Variants in ZNF292 observed in about 807,000 individuals in gnomAD.
The protein encoded by ZNF292 is 16 zinc-finger domain protein.
ZNF292 carries 26 observed loss-of-function variants against 217.9 expected under a neutral mutation model. That is an observed-to-expected ratio of 0.12 (90% CI 0.09 to 0.17). The LOEUF (loss-of-function observed/expected upper bound fraction) is 0.17. Among genes scored for constraint, ZNF292 ranks in the 10% least tolerant of loss-of-function variants. The pLI is 1.00. For synonymous variants in ZNF292, 1,257 were observed against 1,124.1 expected (o/e 1.12, Z -2.37); for missense variants, 2,904 against 3,175.2 (o/e 0.91, Z 2.05).
chr6:87,162,355 A>G (rs1770778888), intron 1 of ZNF292, among the ~76,000 whole-genome samples: 1 of 152,256 alleles, frequency 6.6e-6, no homozygotes, highest in Non-Finnish European at 1.5e-5. Flanking sequence ...GTTTATATAC[A>G]TGTTACATTA....
intron 4 of ZNF292, among the ~76,000 whole-genome samples, chr6:87,228,404 G>A (rs962366858): frequency 6.6e-6 from 1 of 152,042 alleles, no homozygotes; most frequent in Non-Finnish European, 1.5e-5. Flanking sequence ...CCTTTTTACT[G>A]TGTTGTGTCC....
chr6:87,158,535 G>A (rs1006022732), intron 1 of ZNF292, among the ~76,000 whole-genome samples: 8 of 152,234 alleles, frequency 5.3e-5, no homozygotes, highest in African/African-American at 1.7e-4. Flanking sequence ...TTAGCCAGGC[G>A]CTGTGGCGAG....
rs767629944 is a variant in ZNF292, at chr6:87,233,453, A to G, written c.667A>G (p.Ile223Val). Reference sequence around the variant, plus strand: ...GTGTTCTGACCATCCAGAGATTGGCATAAAAGGTAGTTTTAAGCAAACTTA... The same window carrying G: ...GTGTTCTGACCATCCAGAGATTGGCGTAAAAGGTAGTTTTAAGCAAACTTA... Reference protein sequence around the residue: ...KLCSDHPEIGIKGSFKQTYLV... With the variant: ...KLCSDHPEIGVKGSFKQTYLV... The change falls in exon 5 of 8, where the codon ATA becomes GTA. Residue 223 changes from isoleucine (I) to valine (V), a missense_variant. By Grantham distance (29) the Ile-to-Val change is conservative. Coordinates refer to ENST00000369577, the MANE Select transcript of ZNF292 (RefSeq NM_015021.3). 3.7e-6 allele frequency: 6 copies of G among 1,613,656 alleles called. No individual in the cohort carries two copies. In the South Asian group the frequency reaches 4.4e-5, roughly 12 times the overall value.
chr6:87,212,305 G>A (rs1772523980), intron 1 of ZNF292, among the ~76,000 whole-genome samples: 1 of 152,154 alleles, frequency 6.6e-6, no homozygotes, highest in Non-Finnish European at 1.5e-5. Context: ...GACTACTGTT[G>A]TTTAGGAGGT....
intron 1 of ZNF292, among the ~76,000 whole-genome samples, chr6:87,205,258 G>C (rs898164199): frequency 1.3e-5 from 2 of 152,030 alleles, no homozygotes; most frequent in African/African-American, 4.8e-5. Context: ...ATTATTGGTA[G>C]AGATGAGGTC....
rs1239239935 is a variant in ZNF292, at chr6:87,261,149, C to A, written c.7520C>A (p.Ser2507Tyr). Residue 2507 changes from serine (S) to tyrosine (Y), a missense_variant, in exon 8 of 8, where the codon TCT (serine) becomes TAT (tyrosine). By Grantham distance (144) the Ser-to-Tyr change is moderately radical. Around this residue, in one of 15 missense-constraint regions of ZNF292, gnomAD observed 380 missense variants for 355.3 expected, o/e 1.07. Transcript: ENST00000369577. ...AGTGTAGAGACCCAAGCTAATACTT[C>A]TTCAAATGTAAGTAATGATTTTCAG... The part of the protein sequence containing the change: ...STSVETQANT[S>Y]SNVSNDFQED... 3 of 1,612,956 alleles carry A rather than the reference C, an allele frequency of 1.9e-6. No homozygotes were observed. The highest frequency in any genetic ancestry group is 2.5e-6 in the Non-Finnish European group (3 of 1,179,512).
rs1367717386 is a variant in ZNF292 at position 87,257,097 on chromosome 6, T to G, written c.3468T>G (p.Phe1156Leu). Residue 1156 changes from phenylalanine (F) to leucine (L), a missense_variant, in exon 8 of 8, where the codon TTT (phenylalanine) becomes TTG (leucine). Physicochemically the swap from Phe to Leu is conservative, Grantham distance 22. Coordinates refer to ENST00000369577, the MANE Select transcript of ZNF292 (RefSeq NM_015021.3). ...CAAATAATGGAAAGTTTGTTTATTTTTTGCCATCACCGGTGAACAGCTCAA... is the reference window on the plus strand; with the variant it reads ...CAAATAATGGAAAGTTTGTTTATTTGTTGCCATCACCGGTGAACAGCTCAA... ...NTPNNGKFVY[F>L]LPSPVNSSNP... 21 of 1,613,780 alleles carry G rather than the reference T, an allele frequency of 1.3e-5. No individual in the cohort carries two copies. The highest frequency in any genetic ancestry group is 1.7e-5 in the Non-Finnish European group (20 of 1,179,858).
Position 87,258,139 on chromosome 6 carries a change from G to A in ZNF292, c.4510G>A (p.Glu1504Lys). 6.2e-7 allele frequency: 1 copy of A among 1,612,230 alleles called. No individual in the cohort carries two copies. The highest frequency in any genetic ancestry group is 8.5e-7 in the Non-Finnish European group (1 of 1,179,202). Reference protein sequence around the residue: ...LETAGIPSTFEGAEMLSHVST... With the variant: ...LETAGIPSTFKGAEMLSHVST... ...AACTGCTGGCATTCCCAGTACATTT[G>A]AGGGTGCCGAAATGCTTTCTCATGT... The change falls in exon 8 of 8, where the codon GAG (glutamate) becomes AAG (lysine). Residue 1504 changes from glutamate (E) to lysine (K), a missense_variant. Physicochemically the swap from Glu to Lys is moderately conservative, Grantham distance 56 (BLOSUM62 1). Transcript: ENST00000369577.
At chr6:87,183,466 A>G (rs1009258391) in intron 1 of ZNF292, among the ~76,000 whole-genome samples, 44 of 152,204 alleles carry the variant, frequency 2.9e-4, no homozygotes, top group African/African-American at 1.1e-3. Context: ...TCTAAAAGAC[A>G]CAATCCTGAA....
intron 7 of ZNF292, among the ~76,000 whole-genome samples, chr6:87,247,270 AAC>A (rs36133951): frequency 6.7e-6 from 1 of 149,894 alleles, no homozygotes; most frequent in Non-Finnish European, 1.5e-5. Flanking sequence ...TGCCACCCGC[AAC>A]ACACACACAT....
rs759727692 is a variant in ZNF292 at position 87,255,180 on chromosome 6, G to C, written c.1551G>C (p.Lys517Asn). ...AAGACATTGGTGATGAAAAGCAGAA[G>C]AAGAGAGAGATAAAACAGTTAAGAG... ...LLKDIGDEKQKKREIKQLRER... is the reference protein window; with the variant it reads ...LLKDIGDEKQNKREIKQLRER... The change falls in exon 8 of 8, where the codon AAG (lysine) becomes AAC (asparagine). Residue 517 changes from lysine to asparagine, a missense_variant. Around this residue, in one of 15 missense-constraint regions of ZNF292, gnomAD observed 87 missense variants for 99.6 expected, o/e 0.87. Transcript: ENST00000369577. The C allele has an allele frequency of 1.2e-6, 2 of 1,613,840 alleles. No homozygotes were observed.
chr6:87,218,530 A>T, intron 3 of ZNF292, 66 bp from the exon 4 acceptor site: 1 of 1,361,478 alleles, frequency 7.3e-7, no homozygotes, highest in Non-Finnish European at 9.8e-7. Flanking sequence ...TGTTATATTT[A>T]AAGCCTGATA....
At chr6:87,203,495 C>G (rs1304315635) in intron 1 of ZNF292, among the ~76,000 whole-genome samples, 2 of 151,840 alleles carry the variant, frequency 1.3e-5, no homozygotes, top group Admixed American at 1.3e-4. Context: ...CCTACTAGGC[C>G]CAAAATACAT....
Position 87,209,042 on chromosome 6 carries a change from A to T in ZNF292, c.169-6861A>T, listed in dbSNP as rs541047165. ...AGGTGTGGAGAGTGAGGAGGAAATC[A>T]GGGAGGCTTAACTCCTAAAATAGAC... On this transcript the variant is annotated intron_variant, in intron 1 of 7. Transcript: ENST00000369577. 4.4e-4 allele frequency among the ~76,000 whole-genome samples: 67 copies of T among 151,818 alleles called. 1 individual carries two copies. Among genetic ancestry groups the T allele is most frequent in the Non-Finnish European group, 1.2e-4 (8 of 67,976 alleles).
At chr6:87,213,208 A>G (rs751698001) in intron 1 of ZNF292, among the ~76,000 whole-genome samples, 27 of 152,230 alleles carry the variant, frequency 1.8e-4, no homozygotes, top group Non-Finnish European at 3.2e-4. Context: ...AGGTGTGTTG[A>G]CAGACTTCCG....
intron 4 of ZNF292, among the ~76,000 whole-genome samples, chr6:87,222,052 G>A (rs896811194): frequency 2.6e-5 from 4 of 151,964 alleles, no homozygotes; most frequent in Non-Finnish European, 5.9e-5. Context: ...TTCTTTTGGT[G>A]TACAAGTGTA....
intron 1 of ZNF292, among the ~76,000 whole-genome samples, chr6:87,198,210 TTATTTA>T (rs1316410133): frequency 2.7e-5 from 4 of 147,814 alleles, no homozygotes; most frequent in African/African-American, 1.1e-4. Flanking sequence ...ATTTATTTAT[TTATTTA>T]TTTTTTGAGA....
At chr6:87,252,054 TATG>T (rs1275344877) in intron 7 of ZNF292, among the ~76,000 whole-genome samples, 1 of 152,202 alleles carries the variant, frequency 6.6e-6, no homozygotes, top group Non-Finnish European at 1.5e-5. Context: ...TCAATATTCA[TATG>T]ATATAAAATA....
chr6:87,250,920 T>G (rs1774887190), intron 7 of ZNF292, among the ~76,000 whole-genome samples: 1 of 152,222 alleles, frequency 6.6e-6, no homozygotes, highest in African/African-American at 2.4e-5. Flanking sequence ...GTCTTTCTAC[T>G]AGAGTGGAAT....
Sources: gnomAD v4.1 joint callset for allele counts (sites outside exome capture counted in the v4.1 genomes callset) on GRCh38, gnomAD v4.1.1 for gene constraint, gnomAD v4.1.1 regional missense constraint, MANE v1.5 for transcripts, NCBI Gene and HGNC (gene_info 2026-07-23, HGNC 2026-07-21) for gene names.